VWDE: variants seen among roughly 807,000 people sequenced by gnomAD.
The protein encoded by VWDE is von Willebrand factor D and EGF domains, also known as von Willebrand factor D and EGF domain-containing protein.
Under a neutral mutation model 178.4 loss-of-function variants are expected in VWDE, and 207 were observed. The observed-to-expected ratio is 1.16, with a 90% CI of 1.04 to 1.30. The LOEUF is 1.30. Ranked by LOEUF, VWDE falls within the 50% of genes most tolerant of loss-of-function variation. The pLI is 0.00. For missense variants in VWDE, 2,287 were observed against 1,901.3 expected, an observed-to-expected ratio of 1.20 and a Z score of -3.77; for synonymous variants, 738 against 651.4, an observed-to-expected ratio of 1.13 and a Z score of -2.02.
intron 1 of VWDE, among the ~76,000 whole-genome samples, chr7:12,399,025 T>C (rs1434474387): frequency 1.3e-5 from 2 of 152,100 alleles, no homozygotes; most frequent in African/African-American, 4.8e-5. Context: ...AACCTGCACA[T>C]GTACTCCTTG....
At chr7:12,331,574 C>G (rs1780724907) in intron 28 of VWDE, among the ~76,000 whole-genome samples, 1 of 152,130 alleles carries the variant, frequency 6.6e-6, no homozygotes, top group South Asian at 2.1e-4. Context: ...CCACCTCTTT[C>G]TATTCCTCTA....
intron 19 of VWDE, among the ~76,000 whole-genome samples, chr7:12,347,693 C>T (rs10268012): frequency 0.092 from 13,904 of 151,848 alleles, 1,426 homozygotes; most frequent in African/African-American, 0.25. Context: ...AAGCTACCAA[C>T]GACTTTCTTC....
intron 19 of VWDE, among the ~76,000 whole-genome samples, chr7:12,346,020 C>A (rs1396030742): frequency 6.6e-6 from 1 of 152,032 alleles, no homozygotes; most frequent in Non-Finnish European, 1.5e-5. Flanking sequence ...TCTTCTCTAC[C>A]TGAAATATTT....
At chr7:12,350,162 T>G (rs1781849727) in intron 19 of VWDE, among the ~76,000 whole-genome samples, 1 of 151,358 alleles carries the variant, frequency 6.6e-6, no homozygotes, top group African/African-American at 2.5e-5. Context: ...GTCAATATAT[T>G]TGTGACATAT....
chr7:12,361,061 G>GA (rs1365936101), intron 15 of VWDE, 86 bp downstream of exon 15: 1 of 823,778 alleles, frequency 1.2e-6, no homozygotes, highest in South Asian at 2.2e-5. Flanking sequence ...GTATAAAAGT[G>GA]AAAAAACTAC....
chr7:12,377,508 G>A (rs1371176787), intron 7 of VWDE: 5 of 235,704 alleles, frequency 2.1e-5, no homozygotes, highest in Non-Finnish European at 3.2e-5. Flanking sequence ...AAAGAGGAGC[G>A]AGAGGAAAAA....
intron 2 of VWDE, among the ~76,000 whole-genome samples, chr7:12,392,228 C>A (rs1486478593): frequency 6.6e-6 from 1 of 152,168 alleles, no homozygotes; most frequent in Admixed American, 6.5e-5. Flanking sequence ...ACTGAGAGAA[C>A]TAGTGAGTTT....
chr7:12,390,218 C>T (rs1190279266), intron 2 of VWDE, among the ~76,000 whole-genome samples: 3 of 150,078 alleles, frequency 2.0e-5, no homozygotes, highest in Non-Finnish European at 4.4e-5. Context: ...AGTCATTTAT[C>T]AAAATCCTTT....
chr7:12,370,035 C>T lies in VWDE; in HGVS notation c.2271G>A (p.Glu757=), dbSNP rs780010957. The change falls in exon 12 of 29, where the codon GAG becomes GAA. Residue 757 remains glutamate, a synonymous_variant. Coordinates refer to ENST00000275358, the MANE Select transcript of VWDE (RefSeq NM_001135924.3). ...QNRWKRQNFH[E]FPPLFAFPSL... is the part of the protein sequence containing the mutation. The stretch of plus-strand genomic sequence containing the variant: ...TCGGGAAAGCAAACAAAGGAGGAAA[C>T]TCATGAAAGTTCTGCCGTTTCCATC... 28 of 1,551,510 alleles carry T rather than the reference C, an allele frequency of 1.8e-5. No homozygotes were observed. The highest frequency in any genetic ancestry group is 4.8e-5 in the South Asian group (4 of 84,060).
At position 12,361,524 on chromosome 7, in the gene VWDE, G is replaced by A; in HGVS notation, c.2899-3C>T. ...GGCATCCATTCACTGCTATTATACT[G>A]AAGACATAGTGAGAAAAAAATTAAC... On this transcript the variant is annotated splice_region_variant and splice_polypyrimidine_tract_variant and intron_variant, in intron 13 of 28. Transcript: ENST00000275358. 1 of 1,511,864 alleles carries A rather than the reference G, an allele frequency of 6.6e-7. No homozygotes were observed. The highest frequency in any genetic ancestry group is 8.9e-7 in the Non-Finnish European group (1 of 1,128,300). 93.7% of individuals were successfully genotyped at this position (1,511,864 alleles called of 1,614,324 possible). A position where few individuals can be genotyped will look rare whatever the true frequency, so the allele number is the denominator to read the frequency against.
chr7:12,346,232 TAACA>T (rs1358899251), intron 19 of VWDE, among the ~76,000 whole-genome samples: 1 of 152,148 alleles, frequency 6.6e-6, no homozygotes, highest in Non-Finnish European at 1.5e-5. Flanking sequence ...TTGAAATGGC[TAACA>T]AACACCTGTT....
intron 12 of VWDE, 79 bp from the exon 13 acceptor site, chr7:12,367,572 A>C (rs904940178): frequency 8.4e-7 from 1 of 1,188,950 alleles, no homozygotes; most frequent in Non-Finnish European, 1.1e-6. Context: ...CAAGCCCCAA[A>C]TTAAAAGCAT....
At chr7:12,345,184 T>C (rs1011675372) in intron 19 of VWDE, among the ~76,000 whole-genome samples, 1 of 152,000 alleles carries the variant, frequency 6.6e-6, no homozygotes, top group Non-Finnish European at 1.5e-5. Flanking sequence ...AATATTAACA[T>C]GATTTTAATA....
At chr7:12,355,383 T>G (rs1229116959) in intron 18 of VWDE, among the ~76,000 whole-genome samples, 1 of 147,262 alleles carries the variant, frequency 6.8e-6, no homozygotes, top group Admixed American at 6.9e-5. Flanking sequence ...GCCACTGCAC[T>G]CCAGCCTGGG....
intron 13 of VWDE, among the ~76,000 whole-genome samples, chr7:12,363,106 T>C (rs1386602106): frequency 2.0e-5 from 3 of 152,092 alleles, no homozygotes; most frequent in Admixed American, 1.3e-4. Flanking sequence ...ACAGACAATA[T>C]ATAATTGTAT....
chr7:12,390,918 A>C (rs1397972422), intron 2 of VWDE, among the ~76,000 whole-genome samples: 3 of 152,174 alleles, frequency 2.0e-5, no homozygotes, highest in Non-Finnish European at 4.4e-5. Context: ...TAAAATTAAA[A>C]CAATAATTAC....
At chr7:12,391,648 A>C (rs1207396693) in intron 2 of VWDE, among the ~76,000 whole-genome samples, 1 of 152,204 alleles carries the variant, frequency 6.6e-6, no homozygotes, top group Non-Finnish European at 1.5e-5. Flanking sequence ...AAAGCGACTA[A>C]TGAGCAAATA....
intron 1 of VWDE, among the ~76,000 whole-genome samples, chr7:12,394,646 A>G (rs1299593642): frequency 2.0e-5 from 3 of 152,198 alleles, no homozygotes; most frequent in Admixed American, 1.3e-4. Flanking sequence ...AATAAGCACC[A>G]CAAGGAACTG....
intron 3 of VWDE, among the ~76,000 whole-genome samples, chr7:12,387,112 A>C (rs1190065621): frequency 2.0e-5 from 3 of 152,168 alleles, no homozygotes; most frequent in Non-Finnish European, 2.9e-5. Flanking sequence ...TAAACAATTC[A>C]ATTTTCCATA....
Sources: allele counts gnomAD v4.1 joint callset (sites outside exome capture counted in the v4.1 genomes callset), GRCh38; gene constraint gnomAD v4.1.1; transcripts MANE v1.5; gene names NCBI Gene and HGNC (gene_info 2026-07-23, HGNC 2026-07-21).